KCNIP1: variants seen among roughly 807,000 people sequenced by gnomAD.
The protein encoded by KCNIP1 is A-type potassium channel modulatory protein KCNIP1.
In KCNIP1, 18 loss-of-function variants were observed where a neutral mutation model predicts 33.0. That is an observed-to-expected ratio of 0.55 (90% CI 0.38 to 0.81). The LOEUF (loss-of-function observed/expected upper bound fraction) is 0.81, where lower values mean the gene tolerates loss of function less well. KCNIP1 is among the 30% of genes least tolerant of loss of function. The probability of loss-of-function intolerance (pLI) is 0.00; values close to 1 mark genes in which losing one functional copy is unlikely to be tolerated. For missense variants in KCNIP1, 238 were observed against 271.6 expected, an observed-to-expected ratio of 0.88 and a Z score of 0.87; for synonymous variants, 93 against 98.3, an observed-to-expected ratio of 0.95 and a Z score of 0.32.
At chr5:170,603,070 GGCAGGGGGCGAAGGA>G in intron 1 of KCNIP1, among the ~76,000 whole-genome samples, 1 of 152,210 alleles carries the variant, frequency 6.6e-6, no homozygotes, top group African/African-American at 2.4e-5. Context: ...CACACAGCAG[GGCAGGGGGCGAAGGA>G]GTGGGATCCC....
chr5:170,409,323 C>T (rs926885189), intron 1 of KCNIP1, among the ~76,000 whole-genome samples: 21 of 152,144 alleles, frequency 1.4e-4, no homozygotes, highest in African/African-American at 4.8e-4. Flanking sequence ...GGACCACCTG[C>T]CTTCAGGGTC....
intron 1 of KCNIP1, among the ~76,000 whole-genome samples, chr5:170,451,081 T>C (rs1203652063): frequency 6.6e-6 from 1 of 152,192 alleles, no homozygotes; most frequent in Non-Finnish European, 1.5e-5. Context: ...GTCCTCACAG[T>C]TTGTCTCCTG....
Position 170,413,228 on chromosome 5 carries a change from G to T in KCNIP1, c.88+59264G>T, listed in dbSNP as rs551550710. 8.3e-4 allele frequency among the ~76,000 whole-genome samples: 126 copies of T among 152,330 alleles called. 4 individuals are homozygous for T. In the South Asian group the frequency reaches 0.026, roughly 31 times the overall value. Reference sequence around the variant, plus strand: ...CGACCTGCATTGCGGAGGACTGCGGGGTCTTGGTAGATGAAGCCTGGCCTG... The same window carrying T: ...CGACCTGCATTGCGGAGGACTGCGGTGTCTTGGTAGATGAAGCCTGGCCTG... On this transcript the variant is annotated intron_variant, in intron 1 of 7. Transcript: ENST00000377360.
intron 5 of KCNIP1, among the ~76,000 whole-genome samples, chr5:170,730,494 A>G (rs1014766427): frequency 1.3e-5 from 2 of 152,218 alleles, no homozygotes; most frequent in African/African-American, 4.8e-5. Context: ...GTAGGCTATG[A>G]AAATCCTGAG....
intron 1 of KCNIP1, among the ~76,000 whole-genome samples, chr5:170,358,196 C>G (rs567326323): frequency 5.9e-5 from 9 of 152,266 alleles, no homozygotes; most frequent in Non-Finnish European, 7.4e-5. Flanking sequence ...ATGACAGAGC[C>G]AAAGTGAGCA....
At chr5:170,381,603 A>G (rs1561595051) in intron 1 of KCNIP1, among the ~76,000 whole-genome samples, 1 of 152,208 alleles carries the variant, frequency 6.6e-6, no homozygotes, top group African/African-American at 2.4e-5. Context: ...CAGCTCCTGC[A>G]GCCTGCTATC....
chr5:170,383,782 C>A (rs984046056), intron 1 of KCNIP1: 16 of 1,613,946 alleles, frequency 9.9e-6, no homozygotes, highest in Non-Finnish European at 1.4e-5. Flanking sequence ...CACCTTCTTG[C>A]CCTTCAGCTC....
Position 170,399,691 on chromosome 5 carries a change from C to A in KCNIP1, c.88+45727C>A, listed in dbSNP as rs547759155. 4.6e-5 allele frequency among the ~76,000 whole-genome samples: 7 copies of A among 152,298 alleles called. No individual in the cohort carries two copies. The East Asian group carries it at 1.2e-3, about 25-fold the overall frequency. On this transcript the variant is annotated intron_variant, in intron 1 of 7. Coordinates refer to the KCNIP1 transcript ENST00000377360. ...TGTGTTCTTATTTTAAATAGAAACA[C>A]TTTCCCCATTTATGTAATATTGCTT...
intron 1 of KCNIP1, among the ~76,000 whole-genome samples, chr5:170,490,475 A>G (rs1411183800): frequency 6.6e-6 from 1 of 152,190 alleles, no homozygotes; most frequent in Admixed American, 6.5e-5. Context: ...ACACACATAC[A>G]CACACCCATA....
At chr5:170,502,791 C>G (rs1397320927), upstream of KCNIP1, among the ~76,000 whole-genome samples, 1 of 151,902 alleles carries the variant, frequency 6.6e-6, no homozygotes, top group African/African-American at 2.4e-5. Context: ...GGCAAAGGAT[C>G]CTCAGTGTCA....
intron 1 of KCNIP1, among the ~76,000 whole-genome samples, chr5:170,460,169 A>G (rs1358678389): frequency 1.3e-5 from 2 of 152,164 alleles, no homozygotes; most frequent in East Asian, 3.8e-4. Flanking sequence ...ACAGACCAAT[A>G]ACAAGCAGTG....
In KCNIP1 at chr5:170,614,363, G is replaced by A. The variant is rs117138897; in HGVS notation, c.62-104395G>A. ...CTATAATTCATGCAGTTTCTTATCT[G>A]CCAGATGGCCAGGAGGACACATGCA... On this transcript the variant is annotated intron_variant, in intron 1 of 7. Coordinates refer to ENST00000328939, the MANE Select transcript of KCNIP1 (RefSeq NM_014592.4). 2.6e-5 allele frequency among the ~76,000 whole-genome samples: 4 copies of A among 152,326 alleles called. No homozygotes were observed. The East Asian group carries it at 7.7e-4, about 29-fold the overall frequency.
At chr5:170,659,401 C>T (rs1314603882) in intron 1 of KCNIP1, among the ~76,000 whole-genome samples, 4 of 152,158 alleles carry the variant, frequency 2.6e-5, no homozygotes, top group African/African-American at 9.7e-5. Context: ...ACAAGGGAGA[C>T]TTCAAGAATC....
chr5:170,620,541 A>G (rs771684526), intron 1 of KCNIP1, among the ~76,000 whole-genome samples: 9 of 152,206 alleles, frequency 5.9e-5, no homozygotes, highest in African/African-American at 7.2e-5. Flanking sequence ...GGGAGGGGCT[A>G]CGCATCACAG....
intron 1 of KCNIP1, among the ~76,000 whole-genome samples, chr5:170,418,642 C>A (rs1226562745): frequency 6.6e-6 from 1 of 152,204 alleles, no homozygotes; most frequent in Admixed American, 6.5e-5. Context: ...ACATTCCATT[C>A]AGAGCTTTAA....
At chr5:170,378,058 T>C (rs1764078890) in intron 1 of KCNIP1, 1 of 152,042 alleles carries the variant, frequency 6.6e-6, no homozygotes, top group African/African-American at 2.4e-5. Context: ...AATCAAAAAT[T>C]TAGAAAAGCA....
chr5:170,521,537 T>C (rs13182384), intron 1 of KCNIP1, among the ~76,000 whole-genome samples: 9,264 of 152,298 alleles, frequency 0.061, 424 homozygotes, highest in Non-Finnish European at 0.093. Flanking sequence ...CCATTTGCAA[T>C]GTCATGTCTG....
intron 1 of KCNIP1, among the ~76,000 whole-genome samples, chr5:170,404,220 C>T (rs56249662): frequency 0.071 from 10,808 of 152,222 alleles, 1,002 homozygotes; most frequent in African/African-American, 0.21. Context: ...ATAGCTTAAG[C>T]ACAGTCTTAA....
chr5:170,624,806 C>T (rs1393116306), intron 1 of KCNIP1, among the ~76,000 whole-genome samples: 1 of 151,454 alleles, frequency 6.6e-6, no homozygotes, highest in Non-Finnish European at 1.5e-5. Context: ...CTGGCTTCCT[C>T]ACTCTCCTTT....
Sources: allele counts gnomAD v4.1 joint callset (sites outside exome capture counted in the v4.1 genomes callset), GRCh38; gene constraint gnomAD v4.1.1; transcripts MANE v1.5; gene names NCBI Gene and HGNC (gene_info 2026-07-23, HGNC 2026-07-21).